Variants in DPP10 observed in about 807,000 individuals in gnomAD.
DPP10 encodes inactive dipeptidyl peptidase 10.
Under a neutral mutation model 120.9 loss-of-function variants are expected in DPP10, and 33 were observed. That is an observed-to-expected ratio of 0.27 (90% confidence interval 0.21 to 0.37). The LOEUF (loss-of-function observed/expected upper bound fraction) is 0.37, where lower values mean the gene tolerates loss of function less well. Among genes scored for constraint, DPP10 ranks in the 10% least tolerant of loss-of-function variants. The pLI, the probability that DPP10 is intolerant of heterozygous loss-of-function variation, is 1.00. For synonymous variants in DPP10, 337 were observed against 326.1 expected (o/e 1.03, Z -0.36); for missense variants, 816 against 942.8 (o/e 0.87, Z 1.76).
intron 5 of DPP10, among the ~76,000 whole-genome samples, chr2:115,614,461 T>C (rs2084343181): frequency 6.6e-6 from 1 of 152,196 alleles, no homozygotes; most frequent in Non-Finnish European, 1.5e-5. Flanking sequence ...AGTCTCACTT[T>C]CTTGCCCAGG....
intron 1 of DPP10, among the ~76,000 whole-genome samples, chr2:114,924,301 T>G (rs1695430608): frequency 6.6e-6 from 1 of 151,916 alleles, no homozygotes; most frequent in African/African-American, 2.4e-5. Context: ...CAAAGGCAGG[T>G]GGATTGCCTG....
intron 3 of DPP10, among the ~76,000 whole-genome samples, chr2:115,367,480 A>G (rs932581962): frequency 2.0e-5 from 3 of 152,076 alleles, no homozygotes; most frequent in Non-Finnish European, 4.4e-5. Flanking sequence ...TGTGACAAAT[A>G]CAGCTAACCA....
intron 1 of DPP10, among the ~76,000 whole-genome samples, chr2:114,893,797 G>A (rs565615021): frequency 6.6e-6 from 1 of 152,274 alleles, no homozygotes; most frequent in Admixed American, 6.5e-5. Context: ...GCATTCATGA[G>A]TAACGTAGAG....
chr2:114,538,626 G>A (rs187450170), intron 1 of DPP10, among the ~76,000 whole-genome samples: 1 of 152,252 alleles, frequency 6.6e-6, no homozygotes, highest in African/African-American at 2.4e-5. Context: ...TTTAGTGAGG[G>A]TAAGTTAGGC....
Position 115,843,419 on chromosome 2 carries a change from T to A in DPP10, c.*1074T>A, listed in dbSNP as rs1690345379. On this transcript the variant is annotated 3_prime_UTR_variant, in exon 26 of 26. Coordinates refer to ENST00000410059, the MANE Select transcript of DPP10 (RefSeq NM_020868.6). The stretch of plus-strand genomic sequence containing the variant: ...TTTACTTCTTTCTCTCAGTGCAGAA[T>A]CAATTCTCATTTTCATCGTAAAAGC... 6.6e-6 allele frequency: 1 copy of A among 152,586 alleles called. No individual in the cohort carries two copies. Among genetic ancestry groups the A allele is most frequent in the Admixed American group, 6.5e-5 (1 of 15,280 alleles). 9.5% of individuals were successfully genotyped at this position (152,586 alleles called of 1,614,324 possible).
At chr2:115,118,657 A>C (rs1001722209) in intron 1 of DPP10, among the ~76,000 whole-genome samples, 1 of 151,944 alleles carries the variant, frequency 6.6e-6, no homozygotes. Context: ...TCAGCTCACT[A>C]CAATCTCTGT....
At chr2:115,420,453 G>A (rs1224571668) in intron 3 of DPP10, among the ~76,000 whole-genome samples, 1 of 152,154 alleles carries the variant, frequency 6.6e-6, no homozygotes, top group Non-Finnish European at 1.5e-5. Context: ...TTTCACTATA[G>A]ATAGCTTCAG....
intron 1 of DPP10, among the ~76,000 whole-genome samples, chr2:114,532,568 C>T (rs1414878608): frequency 2.0e-5 from 3 of 151,818 alleles, no homozygotes; most frequent in African/African-American, 4.8e-5. Context: ...TCTGTTTTAT[C>T]CCACCCTCCA....
intron 1 of DPP10, among the ~76,000 whole-genome samples, chr2:115,105,779 A>G (rs1351375138): frequency 6.6e-6 from 1 of 152,232 alleles, no homozygotes; most frequent in Non-Finnish European, 1.5e-5. Flanking sequence ...CTAACAAAAT[A>G]TGTATTGAAG....
chr2:114,891,760 A>G (rs945841214), intron 1 of DPP10, among the ~76,000 whole-genome samples: 1 of 152,232 alleles, frequency 6.6e-6, no homozygotes, highest in African/African-American at 2.4e-5. Flanking sequence ...CTCCTGATGG[A>G]TGATTAAATA....
intron 1 of DPP10, among the ~76,000 whole-genome samples, chr2:114,589,037 T>TGGGG (rs3981303): frequency 2.9e-5 from 3 of 102,484 alleles, no homozygotes; most frequent in African/African-American, 7.7e-5. Flanking sequence ...AAGGTTTTTT[T>TGGGG]GGGGGGGGGG....
At chr2:115,410,243 A>C (rs939268030) in intron 3 of DPP10, among the ~76,000 whole-genome samples, 1 of 152,250 alleles carries the variant, frequency 6.6e-6, no homozygotes, top group Non-Finnish European at 1.5e-5. Context: ...ATGCCCATCA[A>C]TGATAGACTG....
chr2:115,695,054 G>A (rs1321328915), intron 7 of DPP10, among the ~76,000 whole-genome samples: 1 of 152,134 alleles, frequency 6.6e-6, no homozygotes, highest in African/African-American at 2.4e-5. Context: ...GAATTCTAAG[G>A]TGGTTAAAAG....
chr2:114,919,036 C>CA (rs10559818), intron 1 of DPP10, among the ~76,000 whole-genome samples: 1 of 124,844 alleles, frequency 8.0e-6, no homozygotes, highest in African/African-American at 2.9e-5. Flanking sequence ...AAAGAGATTC[C>CA]AAAAAAAAAA....
intron 1 of DPP10, among the ~76,000 whole-genome samples, chr2:114,902,390 C>G (rs900914213): frequency 1.3e-5 from 2 of 152,126 alleles, no homozygotes; most frequent in African/African-American, 4.8e-5. Context: ...TTTAAAAATG[C>G]AACAGTCTAT....
intron 1 of DPP10, among the ~76,000 whole-genome samples, chr2:114,963,668 C>G (rs1281298777): frequency 6.6e-6 from 1 of 152,146 alleles, no homozygotes; most frequent in African/African-American, 2.4e-5. Flanking sequence ...CTTAGGCTGT[C>G]ACCATGGTGG....
chr2:114,604,010 C>G lies in DPP10; in HGVS notation c.60+161172C>G, dbSNP rs115541812. Among the ~76,000 whole-genome samples the G allele has an allele frequency of 4.8e-3, 736 of 152,126 alleles. 8 individuals are homozygous for G. The highest frequency in any genetic ancestry group is 0.016 in the African/African-American group (683 of 41,518). On this transcript the variant is annotated intron_variant, in intron 1 of 25. Transcript: ENST00000410059. ...TTGGAGGAAACTGGGTGTAAGCTTC[C>G]TAGAGTCATCCTCCGGTGGGGTCAC... is the stretch of plus-strand genomic sequence containing the variant.
chr2:114,740,863 A>G (rs894168323), intron 1 of DPP10, among the ~76,000 whole-genome samples: 1 of 152,206 alleles, frequency 6.6e-6, no homozygotes, highest in Non-Finnish European at 1.5e-5. Context: ...TAGTTTCTGT[A>G]GTATATACTG....
chr2:114,805,557 C>T (rs146472030), intron 1 of DPP10, among the ~76,000 whole-genome samples: 1 of 152,298 alleles, frequency 6.6e-6, no homozygotes, highest in African/African-American at 2.4e-5. Flanking sequence ...AACGCTAGCC[C>T]TTCTCTCATA....
Sources: gnomAD v4.1 joint callset for allele counts (sites outside exome capture counted in the v4.1 genomes callset) on GRCh38, gnomAD v4.1.1 for gene constraint, MANE v1.5 for transcripts, NCBI Gene and HGNC (gene_info 2026-07-23, HGNC 2026-07-21) for gene names.